Variants in UXS1 observed in about 807,000 individuals in gnomAD.
UXS1 encodes the protein UDP-glucuronate decarboxylase 1, also known as UDP-glucuronic acid decarboxylase 1.
In UXS1, 33 loss-of-function variants were observed where a neutral mutation model predicts 62.6. The ratio of observed to expected loss-of-function variants is 0.53; its 90% CI spans 0.40 to 0.70. The LOEUF is 0.70. UXS1 is among the 30% of genes least tolerant of loss of function. UXS1 has a pLI of 0.00. For missense variants in UXS1, 434 were observed against 556.3 expected, an observed-to-expected ratio of 0.78 and a Z score of 2.21; for synonymous variants, 213 against 206.8, an observed-to-expected ratio of 1.03 and a Z score of -0.26.
chr2:106,093,870 G>T lies in UXS1; in HGVS notation c.*156C>A. On this transcript the variant is annotated 3_prime_UTR_variant, in exon 15 of 15. Transcript: ENST00000283148. ...TGCAGTTTTTTGAGGGGAGCTTTTA[G>T]GCACATCCATTTCATTAAAGCAAGC... 1 of 1,068,230 alleles carries T rather than the reference G, an allele frequency of 9.4e-7. No homozygotes were observed. Among genetic ancestry groups the T allele is most frequent in the Non-Finnish European group, 1.3e-6 (1 of 789,282 alleles). The allele number at this position is 1,068,230 out of a possible 1,614,324, so 66.2% of individuals were successfully genotyped here.
chr2:106,096,911 A>C, intron 13 of UXS1, 90 bp from the exon 14 acceptor site: 1 of 1,259,156 alleles, frequency 7.9e-7, no homozygotes, highest in East Asian at 2.5e-5. Flanking sequence ...CAAACCCCAT[A>C]TGTGGTGTGA....
chr2:106,093,646 C>T lies in UXS1; in HGVS notation c.*380G>A. 1 of 171,970 alleles carries T rather than the reference C, an allele frequency of 5.8e-6. No homozygotes were observed. Among genetic ancestry groups the T allele is most frequent in the Non-Finnish European group, 1.2e-5 (1 of 81,586 alleles). 10.7% of individuals were successfully genotyped at this position (171,970 alleles called of 1,614,324 possible). A position where few individuals can be genotyped will look rare whatever the true frequency, so the allele number is the denominator to read the frequency against. On this transcript the variant is annotated 3_prime_UTR_variant, in exon 15 of 15. Transcript: ENST00000283148. Reference sequence around the variant, plus strand: ...TATAACGACTCATTTATTAAGTACCCACTTTCATAAATAAAATCGGCATTT... The same window carrying T: ...TATAACGACTCATTTATTAAGTACCTACTTTCATAAATAAAATCGGCATTT...
At chr2:106,189,739 A>G (rs6543384) in intron 1 of UXS1, among the ~76,000 whole-genome samples, 149,261 of 152,336 alleles carry the variant, frequency 0.98, 73,181 homozygotes, top group South Asian at 1. Flanking sequence ...CTTCAACAAT[A>G]CTGGAGGCCA....
intron 1 of UXS1, among the ~76,000 whole-genome samples, chr2:106,186,555 CA>C (rs908133604): frequency 2.0e-5 from 3 of 148,516 alleles, no homozygotes; most frequent in South Asian, 2.1e-4. Flanking sequence ...ATCAAACAAA[CA>C]AAAAAAAATC....
intron 6 of UXS1, among the ~76,000 whole-genome samples, chr2:106,137,650 C>T (rs1262585325): frequency 6.6e-6 from 1 of 151,478 alleles, no homozygotes; most frequent in East Asian, 1.9e-4. Flanking sequence ...AAAAAAATAG[C>T]TAGGTGTGGT....
Position 106,150,975 on chromosome 2 carries a change from G to A in UXS1, c.292-5605C>T, listed in dbSNP as rs1489864392. ...GGAGCATTACGATTTGATCTTGTTTGCCCTGTTGGGTTTTGGACTTACTTG... is the reference window on the plus strand; with the variant it reads ...GGAGCATTACGATTTGATCTTGTTTACCCTGTTGGGTTTTGGACTTACTTG... On this transcript the variant is annotated intron_variant, in intron 5 of 14. Transcript: ENST00000283148. Among the ~76,000 whole-genome samples, 6 of 152,204 alleles carry A rather than the reference G, an allele frequency of 3.9e-5. No individual in the cohort carries two copies. In the South Asian group the frequency reaches 8.3e-4, roughly 21 times the overall value.
intron 10 of UXS1, 31 bp from the exon 11 acceptor site, chr2:106,104,868 A>T (rs1432777051): frequency 6.2e-7 from 1 of 1,613,918 alleles, no homozygotes; most frequent in East Asian, 2.2e-5. Flanking sequence ...AGGCCTCCTG[A>T]TAAAACCACA....
chr2:106,126,540 C>T (rs1573460918), intron 7 of UXS1, among the ~76,000 whole-genome samples: 1 of 152,108 alleles, frequency 6.6e-6, no homozygotes, highest in African/African-American at 2.4e-5. Context: ...AACCTATGTG[C>T]GCTTCTGGGT....
At chr2:106,148,212 T>C (rs1391237171) in intron 5 of UXS1, among the ~76,000 whole-genome samples, 1 of 152,196 alleles carries the variant, frequency 6.6e-6, no homozygotes, top group African/African-American at 2.4e-5. Context: ...CTGCTATACC[T>C]GAACAATGAC....
chr2:106,146,772 CAAAAAAAAAAA>C (rs55896853), intron 5 of UXS1, among the ~76,000 whole-genome samples: 31 of 45,222 alleles, frequency 6.9e-4, no homozygotes, highest in Middle Eastern at 0.036. Flanking sequence ...GACTCCATCT[CAAAAAAAAAAA>C]AAAAAAAAAA....
intron 4 of UXS1, among the ~76,000 whole-genome samples, chr2:106,161,091 A>C (rs1344283055): frequency 6.6e-6 from 1 of 150,902 alleles, no homozygotes; most frequent in Non-Finnish European, 1.5e-5. Context: ...TGCAGTGACC[A>C]TGTGGGTGCC....
intron 1 of UXS1, among the ~76,000 whole-genome samples, chr2:106,189,632 G>C (rs150525422): frequency 0.017 from 2,533 of 152,186 alleles, 38 homozygotes; most frequent in Admixed American, 0.026. Flanking sequence ...CCAAGAGCCT[G>C]GGGGACAGGG....
intron 4 of UXS1, among the ~76,000 whole-genome samples, chr2:106,163,161 C>G (rs1344680717): frequency 1.3e-5 from 2 of 152,198 alleles, no homozygotes; most frequent in Non-Finnish European, 2.9e-5. Flanking sequence ...TCTCCGAAAT[C>G]TGACTCAAAT....
chr2:106,156,310 G>A (rs1480070876), intron 5 of UXS1, among the ~76,000 whole-genome samples: 1 of 152,152 alleles, frequency 6.6e-6, no homozygotes, highest in African/African-American at 2.4e-5. Context: ...AGCTATCAGA[G>A]AAATGCAAAT....
intron 1 of UXS1, among the ~76,000 whole-genome samples, chr2:106,191,140 A>G (rs1272914595): frequency 6.6e-6 from 1 of 152,208 alleles, no homozygotes; most frequent in Non-Finnish European, 1.5e-5. Flanking sequence ...GTTATGTGGT[A>G]TCAAGGAGGA....
intron 13 of UXS1, chr2:106,097,638 C>G: frequency 4.6e-6 from 1 of 216,004 alleles, no homozygotes. Flanking sequence ...ACAGGCAGAT[C>G]CTGATCTGGG....
At chr2:106,142,944 T>TGC (rs982527201) in intron 6 of UXS1, among the ~76,000 whole-genome samples, 2 of 151,820 alleles carry the variant, frequency 1.3e-5, no homozygotes, top group African/African-American at 4.8e-5. Context: ...TGTGTGTGTG[T>TGC]GTCCTACACA....
chr2:106,138,250 G>C (rs1214356335), intron 6 of UXS1: 1 of 985,388 alleles, frequency 1.0e-6, no homozygotes, highest in Non-Finnish European at 1.2e-6. Context: ...GTCTGTATGG[G>C]AAACCTTCTC....
chr2:106,104,618 C>T (rs952441718), intron 11 of UXS1, among the ~76,000 whole-genome samples, 176 bp downstream of exon 11: 3 of 152,214 alleles, frequency 2.0e-5, no homozygotes, highest in Non-Finnish European at 2.9e-5. Context: ...CAAATTTTAA[C>T]TTTTAAACAG....
Sources: gnomAD v4.1 joint callset for allele counts (sites outside exome capture counted in the v4.1 genomes callset) on GRCh38, gnomAD v4.1.1 for gene constraint, MANE v1.5 for transcripts, NCBI Gene and HGNC (gene_info 2026-07-23, HGNC 2026-07-21) for gene names.